Variants in NELFA observed in about 807,000 individuals in gnomAD.
NELFA encodes negative elongation factor complex member A.
NELFA carries 35 observed loss-of-function variants against 51.8 expected under a neutral mutation model. The ratio of observed to expected loss-of-function variants is 0.68; its 90% CI spans 0.52 to 0.90. NELFA has a LOEUF of 0.90. Ranked by LOEUF, NELFA falls within the 40% of genes least tolerant of loss-of-function variation. NELFA has a pLI of 0.00. For synonymous variants in NELFA, 417 were observed against 338.4 expected, an observed-to-expected ratio of 1.23 and a Z score of -2.55; for missense variants, 658 against 746.4, an observed-to-expected ratio of 0.88 and a Z score of 1.38.
At chr4:1,990,541 C>T (rs1728241244) in intron 2 of NELFA, 1 of 456,454 alleles carries the variant, frequency 2.2e-6, no homozygotes, top group Non-Finnish European at 4.4e-6. Flanking sequence ...GCTCCAGAGG[C>T]ATCTGTGTGG....
intron 1 of NELFA, among the ~76,000 whole-genome samples, chr4:2,003,130 C>T (rs570278855): frequency 1.2e-4 from 19 of 152,274 alleles, no homozygotes; most frequent in African/African-American, 3.9e-4. Flanking sequence ...TGAAGAAAAG[C>T]TCTACGTCAC....
chr4:1,996,722 A>G (rs1257804311), intron 1 of NELFA, among the ~76,000 whole-genome samples: 1 of 152,244 alleles, frequency 6.6e-6, no homozygotes, highest in Non-Finnish European at 1.5e-5. Context: ...ACTTGAGGTC[A>G]GGAGCTTGAG....
Position 1,986,311 on chromosome 4 carries a change from C to T in NELFA, c.726G>A (p.Pro242=), listed in dbSNP as rs753927968. Reference sequence around the variant, plus strand: ...CCTTCCGCAGCAGCGTCCTGGAAGGCGGGATGGGGGTCCGGTTCCCTGTGG... The same window carrying T: ...CCTTCCGCAGCAGCGTCCTGGAAGGTGGGATGGGGGTCCGGTTCCCTGTGG... ...FSPTGNRTPI[P]PSRTLLRKER... Residue 242 remains proline (P), a synonymous_variant, in exon 5 of 11, where the codon CCG becomes CCA. Coordinates refer to ENST00000382882, the MANE Select transcript of NELFA (RefSeq NM_005663.5). 11 of 1,592,024 alleles carry T rather than the reference C, an allele frequency of 6.9e-6. No homozygotes were observed. The Admixed American group carries it at 8.8e-5, about 13-fold the overall frequency.
chr4:1,998,955 C>T (rs985289454), intron 1 of NELFA, among the ~76,000 whole-genome samples: 1 of 152,160 alleles, frequency 6.6e-6, no homozygotes, highest in Admixed American at 6.5e-5. Flanking sequence ...CAGACCTCTG[C>T]AGAAACTCTA....
rs1728216711 is a variant in NELFA, at chr4:1,989,728, C to T, written c.524G>A (p.Arg175Gln). The change falls in exon 3 of 11, where the codon CGG (arginine) becomes CAG (glutamine). Residue 175 changes from arginine to glutamine, a missense_variant. Arg to Gln is a conservative substitution (Grantham distance 43). Coordinates refer to ENST00000382882, the MANE Select transcript of NELFA (RefSeq NM_005663.5). The surrounding 1 kb of genome is among the most constrained non-coding windows in gnomAD (Gnocchi z 4.8). ...CTCACACTTCTGCAGCAGCTCCGCCCGCAGCGTGGCGCTCTTGGGTTTCCG... is the reference window on the plus strand; with the variant it reads ...CTCACACTTCTGCAGCAGCTCCGCCTGCAGCGTGGCGCTCTTGGGTTTCCG... ...LKRKPKSATL[R>Q]AELLQKSTET... 3 of 1,613,842 alleles carry T rather than the reference C, an allele frequency of 1.9e-6. No homozygotes were observed. The highest frequency in any genetic ancestry group is 1.3e-5 in the African/African-American group (1 of 74,944).
intron 1 of NELFA, among the ~76,000 whole-genome samples, chr4:1,993,795 CT>C (rs1202916976): frequency 0.24 from 28,566 of 118,760 alleles, 2,552 homozygotes; most frequent in African/African-American, 0.27. Context: ...TCCCCTGGGC[CT>C]TTTTTTTTTT....
At chr4:2,008,157 G>C (rs757574225) in intron 1 of NELFA, 8 of 415,284 alleles carry the variant, frequency 1.9e-5, no homozygotes, top group Non-Finnish European at 3.4e-5. Flanking sequence ...CCTCGCCCAG[G>C]TCACCAGGGC....
chr4:1,984,657 C>T (rs1286139376), intron 8 of NELFA, 151 bp downstream of exon 8: 6 of 612,920 alleles, frequency 9.8e-6, no homozygotes, highest in African/African-American at 5.5e-5. Flanking sequence ...AGCTGAACAG[C>T]GGGGCATCTG....
chr4:1,989,810 C>A lies in NELFA; in HGVS notation c.442G>T (p.Ala148Ser), dbSNP rs147208231. 26 of 1,614,052 alleles carry A rather than the reference C, an allele frequency of 1.6e-5. No individual in the cohort carries two copies. Among genetic ancestry groups the A allele is most frequent in the Non-Finnish European group, 2.0e-5 (24 of 1,180,042 alleles). ...AGGGGTCCCGCGAGGGTCGTCAGGG[C>A]GTTTTTGTTCAAGTACTGGCACTCC... ...PLECQYLNKN[A>S]LTTLAGPLTP... is the part of the protein sequence containing the mutation. The change falls in exon 3 of 11, where the codon GCC (alanine) becomes TCC (serine). Residue 148 changes from alanine (A) to serine (S), a missense_variant. Physicochemically the swap from Ala to Ser is moderately conservative, Grantham distance 99 (BLOSUM62 1). Coordinates refer to ENST00000382882, the MANE Select transcript of NELFA (RefSeq NM_005663.5). The surrounding 1 kb of genome is among the most constrained non-coding windows in gnomAD (Gnocchi z 4.8).
intron 7 of NELFA, among the ~76,000 whole-genome samples, chr4:1,985,519 G>A (rs541352494): frequency 1.3e-5 from 2 of 152,300 alleles, no homozygotes; most frequent in African/African-American, 4.8e-5. Flanking sequence ...TGAGGCACAG[G>A]GTTGAGGAGG....
chr4:1,990,147 T>C (rs1026702744), intron 2 of NELFA: 9 of 490,252 alleles, frequency 1.8e-5, no homozygotes, highest in Non-Finnish European at 3.0e-5. Flanking sequence ...CAGGCGGACA[T>C]AGATACAGTG....
chr4:1,999,205 T>C (rs1186017710), intron 1 of NELFA, among the ~76,000 whole-genome samples: 2 of 149,920 alleles, frequency 1.3e-5, no homozygotes, highest in African/African-American at 4.9e-5. Context: ...CACCAAAATA[T>C]AGAGACCAAT....
chr4:2,004,488 T>C (rs975953259), intron 1 of NELFA, among the ~76,000 whole-genome samples: 7 of 152,164 alleles, frequency 4.6e-5, no homozygotes, highest in Non-Finnish European at 1.0e-4. Flanking sequence ...GTACATAAAA[T>C]AATATCTTTT....
intron 1 of NELFA, among the ~76,000 whole-genome samples, chr4:2,005,689 T>C (rs1035641794): frequency 2.0e-5 from 3 of 151,882 alleles, no homozygotes; most frequent in Non-Finnish European, 4.4e-5. Context: ...GAGATCTCCG[T>C]CTAAAAAACA....
intron 9 of NELFA, 28 bp downstream of exon 9, chr4:1,983,820 C>T: frequency 6.4e-6 from 10 of 1,570,042 alleles, no homozygotes; most frequent in Non-Finnish European, 5.2e-6. Context: ...TACCTGGTGG[C>T]CTGTGGGCCC....
intron 1 of NELFA, chr4:1,992,002 A>G (rs1214184686): frequency 1.2e-5 from 4 of 324,852 alleles, no homozygotes; most frequent in Non-Finnish European, 2.3e-5. Context: ...CTACTCTTCC[A>G]CCGGTGCGCA....
At chr4:1,998,314 T>C (rs755152873) in intron 1 of NELFA, among the ~76,000 whole-genome samples, 7 of 151,562 alleles carry the variant, frequency 4.6e-5, no homozygotes, top group Non-Finnish European at 7.4e-5. Flanking sequence ...CTGACAGAAG[T>C]AGGCTTCAGA....
At chr4:1,994,243 C>G (rs945774848) in intron 1 of NELFA, among the ~76,000 whole-genome samples, 8 of 151,948 alleles carry the variant, frequency 5.3e-5, no homozygotes, top group Non-Finnish European at 1.2e-4. Flanking sequence ...CCAGCCTGAG[C>G]AACAGAGCAA....
chr4:1,984,029 G>T lies in NELFA; in HGVS notation c.1121C>A (p.Ala374Glu). ...PTLPAQFKQR[A>E]PMYNSGLSPA... ...GCTCAGGCCGCTGTTGTACATGGGC[G>T]CCCGCTGCTTGAACTGCGCTGGCAA... Residue 374 changes from alanine to glutamate, a missense_variant, in exon 9 of 11, where the codon GCG becomes GAG. Physicochemically the swap from Ala to Glu is moderately radical, Grantham distance 107. Transcript: ENST00000382882. 6.2e-7 allele frequency: 1 copy of T among 1,607,302 alleles called. No homozygotes were observed. Among genetic ancestry groups the T allele is most frequent in the Non-Finnish European group, 8.5e-7 (1 of 1,179,336 alleles).
Sources: gnomAD v4.1 joint callset for allele counts (sites outside exome capture counted in the v4.1 genomes callset) on GRCh38, gnomAD v4.1.1 for gene constraint, Gnocchi (gnomAD v3.1) non-coding constraint, MANE v1.5 for transcripts, NCBI Gene and HGNC (gene_info 2026-07-23, HGNC 2026-07-21) for gene names.